Variants in GSDMC observed in about 807,000 individuals in gnomAD.
GSDMC encodes gasdermin-C.
GSDMC carries 59 observed loss-of-function variants against 58.0 expected under a neutral mutation model. The ratio of observed to expected loss-of-function variants is 1.02; its 90% confidence interval spans 0.82 to 1.26. The LOEUF is 1.26. Among genes scored for constraint, GSDMC ranks in the 50% most tolerant of loss-of-function variants. The pLI is 0.00. For synonymous variants in GSDMC, 241 were observed against 220.2 expected (o/e 1.09, Z -0.83); for missense variants, 659 against 598.5 (o/e 1.10, Z -1.06).
At chr8:129,750,322 C>T in intron 11 of GSDMC, 109 bp downstream of exon 11, 5 of 1,222,404 alleles carry the variant, frequency 4.1e-6, no homozygotes, top group Non-Finnish European at 4.6e-6. Context: ...TTTCTCATTC[C>T]CCTGGCATCT....
the GSDMC span, among the ~76,000 whole-genome samples, chr8:129,723,420 T>C: frequency 1.5e-3 from 37 of 24,792 alleles, no homozygotes; most frequent in Non-Finnish European, 1.2e-4. Flanking sequence ...TTTCTTCTCC[T>C]TTTTTTTTTT....
chr8:129,728,176 GA>G, the GSDMC span, among the ~76,000 whole-genome samples: 1 of 152,228 alleles, frequency 6.6e-6, no homozygotes, highest in Non-Finnish European at 1.5e-5. Context: ...TCAGCAGCCT[GA>G]GTCTCCTCAC....
rs576436290 is a variant in GSDMC at position 129,777,238 on chromosome 8, C to T, written c.220+130G>A. On this transcript the variant is annotated intron_variant, in intron 2 of 13. Transcript: ENST00000276708. ...CTCAATTTGTCTTCGTTTCTTGCCC[C>T]TTGCCTATAGGCAAGGCTAATCCTG... 1.1e-4 allele frequency: 66 copies of T among 615,126 alleles called. 2 individuals are homozygous for T. The South Asian group carries it at 1.3e-3, about 12-fold the overall frequency. The allele number at this position is 615,126 out of a possible 1,614,324, so 38.1% of individuals were successfully genotyped here.
At chr8:129,730,450 ATT>A in the GSDMC span, 3 of 1,048,360 alleles carry the variant, frequency 2.9e-6, no homozygotes, top group Non-Finnish European at 4.0e-6. Flanking sequence ...GTTTAAGTTG[ATT>A]TTTTATTCAT....
chr8:129,741,755 A>G, the GSDMC span, among the ~76,000 whole-genome samples: 1 of 152,056 alleles, frequency 6.6e-6, no homozygotes, highest in Admixed American at 6.6e-5. Context: ...CAACAGAACT[A>G]CCATATGATT....
At chr8:129,745,067 T>G (rs77724525), downstream of GSDMC, among the ~76,000 whole-genome samples, 1 of 152,180 alleles carries the variant, frequency 6.6e-6, no homozygotes, top group Admixed American at 6.5e-5. Context: ...TCCCACTCCC[T>G]CTTAAATCAA....
the GSDMC span, chr8:129,730,299 C>G: frequency 7.3e-7 from 1 of 1,368,526 alleles, no homozygotes. Context: ...TCCACAGAAC[C>G]AGGTCACAGA....
the GSDMC span, among the ~76,000 whole-genome samples, chr8:129,738,725 A>G: frequency 6.6e-6 from 1 of 152,224 alleles, no homozygotes; most frequent in African/African-American, 2.4e-5. Flanking sequence ...TAACGGGTGC[A>G]GCACACCAAC....
chr8:129,706,375 G>A, the GSDMC span, among the ~76,000 whole-genome samples: 625 of 152,288 alleles, frequency 4.1e-3, 1 homozygote, highest in Non-Finnish European at 6.5e-3. Flanking sequence ...GGAAAAACAT[G>A]ATCTCAGAAG....
the GSDMC span, among the ~76,000 whole-genome samples, chr8:129,711,565 C>T: frequency 4.7e-4 from 72 of 152,242 alleles, no homozygotes; most frequent in African/African-American, 1.6e-3. Context: ...CAAGGCTGAC[C>T]GTTGCAAAGA....
At chr8:129,725,736 A>G in the GSDMC span, among the ~76,000 whole-genome samples, 1 of 152,152 alleles carries the variant, frequency 6.6e-6, no homozygotes, top group Non-Finnish European at 1.5e-5. Context: ...CTTTATATAC[A>G]CTATTTAATT....
At chr8:129,737,940 T>C in the GSDMC span, among the ~76,000 whole-genome samples, 1 of 152,070 alleles carries the variant, frequency 6.6e-6, no homozygotes, top group African/African-American at 2.4e-5. Flanking sequence ...ATCCAGAATC[T>C]ACAAACAACT....
chr8:129,709,733 C>T, the GSDMC span, among the ~76,000 whole-genome samples: 8 of 152,170 alleles, frequency 5.3e-5, no homozygotes, highest in African/African-American at 1.9e-4. Context: ...GTCCTCATCT[C>T]TTGTCATCCT....
At chr8:129,712,839 C>A in the GSDMC span, among the ~76,000 whole-genome samples, 3 of 152,202 alleles carry the variant, frequency 2.0e-5, no homozygotes, top group African/African-American at 7.2e-5. Context: ...CTTGGGGCAG[C>A]AGGGAGGCTC....
At chr8:129,724,240 A>T in the GSDMC span, among the ~76,000 whole-genome samples, 27 of 152,220 alleles carry the variant, frequency 1.8e-4, no homozygotes, top group African/African-American at 5.8e-4. Context: ...CCTTGCCAAC[A>T]TCCAACTGCA....
intron 2 of GSDMC, among the ~76,000 whole-genome samples, chr8:129,777,084 T>A (rs2034258305): frequency 6.6e-6 from 1 of 152,158 alleles, no homozygotes; most frequent in South Asian, 2.1e-4. Flanking sequence ...GGTACATAAC[T>A]TTGAACAGAT....
chr8:129,774,098 G>C (rs2034145788), intron 3 of GSDMC, among the ~76,000 whole-genome samples: 1 of 152,062 alleles, frequency 6.6e-6, no homozygotes. Flanking sequence ...AATAGCTAAA[G>C]CAATCTCAAG....
the GSDMC span, among the ~76,000 whole-genome samples, chr8:129,714,093 T>G: frequency 6.6e-6 from 1 of 151,870 alleles, no homozygotes; most frequent in African/African-American, 2.4e-5. Context: ...AGACAGGGAG[T>G]GACAGCCTAA....
At chr8:129,777,155 C>G (rs779937998) in intron 2 of GSDMC, among the ~76,000 whole-genome samples, 1 of 152,132 alleles carries the variant, frequency 6.6e-6, no homozygotes, top group African/African-American at 2.4e-5. Context: ...ACCTCATGAG[C>G]CTGATACAAA....
Sources: gnomAD v4.1 joint callset for allele counts (sites outside exome capture counted in the v4.1 genomes callset) on GRCh38, gnomAD v4.1.1 for gene constraint, MANE v1.5 for transcripts, NCBI Gene and HGNC (gene_info 2026-07-23, HGNC 2026-07-21) for gene names.